Variants in S1PR2 observed in about 807,000 individuals in gnomAD.
S1PR2 encodes sphingosine 1-phosphate receptor 2.
Under a neutral mutation model 16.1 loss-of-function variants are expected in S1PR2, and 9 were observed. The observed-to-expected ratio is 0.56, with a 90% confidence interval of 0.34 to 0.98. S1PR2 has a LOEUF of 0.98. S1PR2 is among the 50% of genes least tolerant of loss of function. S1PR2 has a pLI of 0.02. For missense variants in S1PR2, 361 were observed against 488.4 expected (o/e 0.74, Z 2.46); for synonymous variants, 224 against 233.9 (o/e 0.96, Z 0.38).
chr19:10,224,299 A>G lies in S1PR2; in HGVS notation c.607T>C (p.Leu203=). The change falls in exon 2 of 2, where the codon TTG becomes CTG. Residue 203 remains leucine (L), a synonymous_variant. Transcript: ENST00000646641. The part of the protein sequence containing the change: ...CVVTIFSIIL[L]AIVALYVRIY... Reference sequence around the variant, plus strand: ...CGCACGTACAGGGCCACGATGGCCAACAGGATGATGGAGAAGATGGTCACC... The same window carrying G: ...CGCACGTACAGGGCCACGATGGCCAGCAGGATGATGGAGAAGATGGTCACC... The G allele has an allele frequency of 6.2e-7, 1 of 1,614,118 alleles. No homozygotes were observed. The highest frequency in any genetic ancestry group is 8.5e-7 in the Non-Finnish European group (1 of 1,180,042).
chr19:10,227,126 C>T (rs2039640780), intron 1 of S1PR2, among the ~76,000 whole-genome samples: 2 of 151,764 alleles, frequency 1.3e-5, no homozygotes, highest in African/African-American at 2.4e-5. Context: ...TTGTCAGAGG[C>T]GCCAGTGCAG....
chr19:10,224,974 G>GACAAT (rs2039623186), intron 1 of S1PR2, 27 bp from the exon 2 acceptor site: 1 of 1,300,618 alleles, frequency 7.7e-7, no homozygotes, highest in Admixed American at 2.0e-5. Context: ...CAGACAGACA[G>GACAAT]ACAATAGGTC....
rs1421731821 is a variant in S1PR2 at position 10,223,713 on chromosome 19, AT to A, written c.*130del. ...TATCTGGCCTTTCCAGGTGTGAAAT[AT>A]TTGCAACATCACCCAGGTCTGTGGG... On this transcript the variant is annotated 3_prime_UTR_variant, in exon 2 of 2. Transcript: ENST00000646641. 1.2e-6 allele frequency: 1 copy of A among 848,498 alleles called. No homozygotes were observed. Among genetic ancestry groups the A allele is most frequent in the Non-Finnish European group, 1.8e-6 (1 of 555,978 alleles). The allele number at this position is 848,498 out of a possible 1,614,324, so 52.6% of individuals were successfully genotyped here.
intron 1 of S1PR2, among the ~76,000 whole-genome samples, chr19:10,225,991 G>A (rs2039632187): frequency 6.6e-6 from 1 of 152,130 alleles, no homozygotes; most frequent in South Asian, 2.1e-4. Context: ...CTTTCAAAGG[G>A]AAAGAAGCTC....
At chr19:10,227,209 G>A (rs1042534316) in intron 1 of S1PR2, among the ~76,000 whole-genome samples, 26 of 151,644 alleles carry the variant, frequency 1.7e-4, no homozygotes, top group Non-Finnish European at 2.7e-4. Flanking sequence ...AGTAGGGGGA[G>A]TCCTCCTCAG....
chr19:10,223,994 C>T lies in S1PR2; in HGVS notation c.912G>A (p.Gln304=), dbSNP rs1288350742. ...DLRREVLRPL[Q]CWRPGVGVQG... ...GCACCCCCACCCCCGGCCTCCAGCA[C>T]TGCAGCGGCCGAAGCACCTCCCGCC... Residue 304 remains glutamine, a synonymous_variant, in exon 2 of 2, where the codon CAG becomes CAA. Transcript: ENST00000646641. 6.2e-7 allele frequency: 1 copy of T among 1,611,540 alleles called. No individual in the cohort carries two copies. Among genetic ancestry groups the T allele is most frequent in the African/African-American group, 1.3e-5 (1 of 74,906 alleles).
chr19:10,223,550 G>T lies in S1PR2; in HGVS notation c.*294C>A. ...CTCCTGCCCTGAGCTCCCCTTAAAT[G>T]CTGCCTGCCCTCACCCTGGCTCTTC... On this transcript the variant is annotated 3_prime_UTR_variant, in exon 2 of 2. Transcript: ENST00000646641. The T allele has an allele frequency of 2.5e-6, 1 of 402,304 alleles. No homozygotes were observed. The highest frequency in any genetic ancestry group is 8.1e-5 in the South Asian group (1 of 12,380). The allele number at this position is 402,304 out of a possible 1,614,324, so 24.9% of individuals were successfully genotyped here.
chr19:10,228,895 A>C (rs1179466045), intron 1 of S1PR2, among the ~76,000 whole-genome samples: 1 of 152,144 alleles, frequency 6.6e-6, no homozygotes, highest in East Asian at 1.9e-4. Flanking sequence ...GGATGGAGGA[A>C]GCCTCAGTGG....
In S1PR2 at chr19:10,223,150, C is replaced by A. The variant is rs1042885647; in HGVS notation, c.*694G>T. The A allele has an allele frequency of 8.8e-6, 1 of 113,144 alleles. No homozygotes were observed. Among genetic ancestry groups the A allele is most frequent in the Non-Finnish European group, 1.7e-5 (1 of 60,168 alleles). 7.0% of individuals were successfully genotyped at this position (113,144 alleles called of 1,614,324 possible). ...CCACTGCACTCTCCAGCCTGGGCAA[C>A]AGAGCGAGACTTCATCTCAAAAAAA... is the stretch of plus-strand genomic sequence containing the variant. On this transcript the variant is annotated 3_prime_UTR_variant, in exon 2 of 2. Transcript: ENST00000646641.
chr19:10,221,964 AAAG>A lies in S1PR2; in HGVS notation c.*1877_*1879del, dbSNP rs1275319943. On this transcript the variant is annotated 3_prime_UTR_variant, in exon 2 of 2. Transcript: ENST00000646641. ...CCCATGCTCCATTCTATATAACTTG[AAAG>A]AAGAAGGCCGGGCACAGTGGCTCAC... is the stretch of plus-strand genomic sequence containing the variant. 2.6e-5 allele frequency: 4 copies of A among 152,392 alleles called. No individual in the cohort carries two copies. The highest frequency in any genetic ancestry group is 6.5e-5 in the Admixed American group (1 of 15,268). 9.4% of individuals were successfully genotyped at this position (152,392 alleles called of 1,614,324 possible).
chr19:10,230,245 C>A (rs1242951564), intron 1 of S1PR2, among the ~76,000 whole-genome samples: 1 of 152,246 alleles, frequency 6.6e-6, no homozygotes, highest in African/African-American at 2.4e-5. Flanking sequence ...CACGCTCGCT[C>A]GCGCGGGAGC....
At chr19:10,227,617 C>A (rs1431922686) in intron 1 of S1PR2, among the ~76,000 whole-genome samples, 2 of 152,226 alleles carry the variant, frequency 1.3e-5, no homozygotes. Flanking sequence ...CCGGAAACAG[C>A]CCATGCTCTG....
In S1PR2 at chr19:10,223,668, T is replaced by C. The variant is rs2039608535; in HGVS notation, c.*176A>G. On this transcript the variant is annotated 3_prime_UTR_variant, in exon 2 of 2. Transcript: ENST00000646641. The stretch of plus-strand genomic sequence containing the variant: ...CCTCAGGACCGCACTGCAACACTGC[T>C]ATGTGACTAGTCAGTGCCTTATCTG... 9.7e-6 allele frequency: 6 copies of C among 618,062 alleles called. No individual in the cohort carries two copies. Among genetic ancestry groups the C allele is most frequent in the Non-Finnish European group, 1.7e-5 (6 of 356,794 alleles). The allele number at this position is 618,062 out of a possible 1,614,324, so 38.3% of individuals were successfully genotyped here.
In S1PR2 at chr19:10,224,746, C is replaced by T; in HGVS notation, c.160G>A (p.Val54Met). ...CTGTTTCGGGCCACCGCAATGAGCA[C>T]CAGAAGGTTTTCCACCACAATGGCG... ...CCAIVVENLL[V>M]LIAVARNSKF... is the part of the protein sequence containing the mutation. The change falls in exon 2 of 2, where the codon GTG becomes ATG. Residue 54 changes from valine to methionine, a missense_variant. Transcript: ENST00000646641. The T allele has an allele frequency of 6.2e-7, 1 of 1,614,238 alleles. No homozygotes were observed. The highest frequency in any genetic ancestry group is 8.5e-7 in the Non-Finnish European group (1 of 1,180,048).
At chr19:10,227,222 C>G (rs1029094881) in intron 1 of S1PR2, among the ~76,000 whole-genome samples, 1 of 151,938 alleles carries the variant, frequency 6.6e-6, no homozygotes, top group African/African-American at 2.4e-5. Context: ...CTCCTCAGGT[C>G]CCTAGAAACA....
Position 10,222,514 on chromosome 19 carries a change from C to T in S1PR2, c.*1330G>A, listed in dbSNP as rs1235185598. The T allele has an allele frequency of 6.6e-6, 1 of 152,210 alleles. No homozygotes were observed. The highest frequency in any genetic ancestry group is 1.5e-5 in the Non-Finnish European group (1 of 68,046). The allele number at this position is 152,210 out of a possible 1,614,324, so 9.4% of individuals were successfully genotyped here. On this transcript the variant is annotated 3_prime_UTR_variant, in exon 2 of 2. Transcript: ENST00000646641. ...GCCTTGCATCAAGAGTCCCAAAGTC[C>T]TCCCCAGCCACCCAAACTCGTTTTT...
chr19:10,227,721 C>A (rs1369173935), intron 1 of S1PR2, among the ~76,000 whole-genome samples: 3 of 152,210 alleles, frequency 2.0e-5, no homozygotes, highest in African/African-American at 7.2e-5. Flanking sequence ...TGGGGGCGCT[C>A]TACGGCCAGC....
rs746222276 is a variant in S1PR2, at chr19:10,224,718, T to C, written c.188A>G (p.Lys63Arg). 8.7e-6 allele frequency: 14 copies of C among 1,614,112 alleles called. No homozygotes were observed. Among genetic ancestry groups the C allele is most frequent in the Non-Finnish European group, 1.2e-5 (14 of 1,180,060 alleles). ...AAACAGGTACATTGCCGAGTGGAACTTGCTGTTTCGGGCCACCGCAATGAG... is the reference window on the plus strand; with the variant it reads ...AAACAGGTACATTGCCGAGTGGAACCTGCTGTTTCGGGCCACCGCAATGAG... ...LVLIAVARNS[K>R]FHSAMYLFLG... is the part of the protein sequence containing the mutation. The change falls in exon 2 of 2, where the codon AAG becomes AGG. Residue 63 changes from lysine (K) to arginine (R), a missense_variant. Transcript: ENST00000646641.
chr19:10,223,830 G>A lies in S1PR2; in HGVS notation c.*14C>T. 3.3e-6 allele frequency: 5 copies of A among 1,521,716 alleles called. No homozygotes were observed. Among genetic ancestry groups the A allele is most frequent in the Non-Finnish European group, 4.4e-6 (5 of 1,136,972 alleles). The allele number at this position is 1,521,716 out of a possible 1,614,324, so 94.3% of individuals were successfully genotyped here. A position where few individuals can be genotyped will look rare whatever the true frequency, so the allele number is the denominator to read the frequency against. On this transcript the variant is annotated 3_prime_UTR_variant, in exon 2 of 2. Coordinates refer to ENST00000646641, the MANE Select transcript of S1PR2 (RefSeq NM_004230.4). Reference sequence around the variant, plus strand: ...CCCCTCTGCCCTGGCCTGGTTGTTGGTCCACCCCCACCCTCAGACCACCGT... The same window carrying A: ...CCCCTCTGCCCTGGCCTGGTTGTTGATCCACCCCCACCCTCAGACCACCGT...
Sources: allele counts gnomAD v4.1 joint callset (sites outside exome capture counted in the v4.1 genomes callset), GRCh38; gene constraint gnomAD v4.1.1; transcripts MANE v1.5; gene names NCBI Gene and HGNC (gene_info 2026-07-23, HGNC 2026-07-21).